CTNNA2: variants seen among roughly 807,000 people sequenced by gnomAD.
The protein encoded by CTNNA2 is catenin alpha-2.
A neutral mutation model predicts 101.0 loss-of-function variants in CTNNA2; 42 were observed. That is an observed-to-expected ratio of 0.42 (90% CI 0.32 to 0.54). The LOEUF (loss-of-function observed/expected upper bound fraction) is 0.54, where lower values mean the gene tolerates loss of function less well. Ranked by LOEUF, CTNNA2 falls within the 20% of genes least tolerant of loss-of-function variation. The probability of loss-of-function intolerance (pLI) is 0.14; values close to 1 mark genes in which losing one functional copy is unlikely to be tolerated. For missense variants in CTNNA2, 871 were observed against 1,223.1 expected (o/e 0.71, Z 4.29); for synonymous variants, 450 against 456.4 (o/e 0.99, Z 0.18).
At chr2:80,195,612 C>CTTT (rs538517274) in intron 7 of CTNNA2, among the ~76,000 whole-genome samples, 4 of 127,436 alleles carry the variant, frequency 3.1e-5, no homozygotes, top group South Asian at 2.7e-4. Context: ...ACCAAAACAT[C>CTTT]TTTTTTTTTT....
rs530296973 is a variant in CTNNA2, at chr2:80,618,278, A to G, written c.2431-807A>G. On this transcript the variant is annotated intron_variant, in intron 17 of 18. Coordinates refer to ENST00000402739, the MANE Select transcript of CTNNA2 (RefSeq NM_001282597.3). ...ATGTAACTTGACCTCTGAGAGTGACAGTGCATTTTTTTATGATTGCAGAAA... is the reference window on the plus strand; with the variant it reads ...ATGTAACTTGACCTCTGAGAGTGACGGTGCATTTTTTTATGATTGCAGAAA... 8.6e-5 allele frequency among the ~76,000 whole-genome samples: 13 copies of G among 151,980 alleles called. No individual in the cohort carries two copies. In the East Asian group the frequency reaches 2.5e-3, roughly 30 times the overall value.
intron 9 of CTNNA2, among the ~76,000 whole-genome samples, chr2:80,521,839 T>C (rs1689585179): frequency 6.6e-6 from 1 of 152,170 alleles, no homozygotes; most frequent in Non-Finnish European, 1.5e-5. Flanking sequence ...AAGTTGTAAT[T>C]TTTAACAGTA....
chr2:79,717,119 A>T (rs1686160883), intron 2 of CTNNA2, among the ~76,000 whole-genome samples: 1 of 152,196 alleles, frequency 6.6e-6, no homozygotes, highest in Admixed American at 6.5e-5. Flanking sequence ...TGAGCCCTGG[A>T]GAAGGAAAGA....
chr2:80,135,367 G>T (rs141012658), intron 7 of CTNNA2, among the ~76,000 whole-genome samples: 5 of 152,320 alleles, frequency 3.3e-5, no homozygotes, highest in African/African-American at 1.2e-4. Flanking sequence ...TAGAGACAAA[G>T]GAAGGAGGGC....
chr2:79,416,892 T>C (rs1039494022), intron 4 of CTNNA2, among the ~76,000 whole-genome samples: 3 of 152,082 alleles, frequency 2.0e-5, no homozygotes, highest in African/African-American at 7.2e-5. Flanking sequence ...GATCTTCCCC[T>C]CTTAACTCTA....
At chr2:79,712,491 A>G (rs966364555) in intron 2 of CTNNA2, among the ~76,000 whole-genome samples, 2 of 152,200 alleles carry the variant, frequency 1.3e-5, no homozygotes, top group African/African-American at 4.8e-5. Context: ...GTAACATCCT[A>G]CATCAATTAA....
chr2:79,580,730 A>G (rs937173039), intron 1 of CTNNA2, among the ~76,000 whole-genome samples: 1 of 152,214 alleles, frequency 6.6e-6, no homozygotes. Flanking sequence ...GATCCTTAGT[A>G]AAACTTTTTC....
intron 3 of CTNNA2, among the ~76,000 whole-genome samples, chr2:79,369,530 T>C (rs1430638721): frequency 1.3e-5 from 2 of 152,154 alleles, no homozygotes; most frequent in African/African-American, 2.4e-5. Flanking sequence ...GCTCTTCCAG[T>C]GTGGCTCCCC....
intron 7 of CTNNA2, among the ~76,000 whole-genome samples, chr2:80,136,018 C>T (rs1451508542): frequency 6.6e-6 from 1 of 152,102 alleles, no homozygotes; most frequent in Non-Finnish European, 1.5e-5. Context: ...TATTTCCTGC[C>T]TTAGTGTGAG....
intron 7 of CTNNA2, among the ~76,000 whole-genome samples, chr2:80,036,027 T>C (rs1394414471): frequency 6.6e-6 from 1 of 152,220 alleles, no homozygotes; most frequent in Non-Finnish European, 1.5e-5. Flanking sequence ...CATGACGGTC[T>C]CATCAGGGCT....
At chr2:79,233,984 C>CT (rs1674526798) in intron 2 of CTNNA2, among the ~76,000 whole-genome samples, 1 of 148,116 alleles carries the variant, frequency 6.8e-6, no homozygotes, top group Admixed American at 6.8e-5. Flanking sequence ...TGGATCTTGT[C>CT]TTTTTTATCT....
chr2:80,091,727 G>A (rs1256639636), intron 7 of CTNNA2, among the ~76,000 whole-genome samples: 1 of 151,976 alleles, frequency 6.6e-6, no homozygotes, highest in Non-Finnish European at 1.5e-5. Flanking sequence ...GGGATACCAG[G>A]AACATTAGAA....
intron 3 of CTNNA2, among the ~76,000 whole-genome samples, chr2:79,803,713 C>A (rs1315535629): frequency 6.6e-6 from 1 of 152,216 alleles, no homozygotes; most frequent in Non-Finnish European, 1.5e-5. Context: ...CAGTTTATGG[C>A]CAGATTTTGG....
chr2:79,887,382 A>T (rs1683962713), intron 6 of CTNNA2, among the ~76,000 whole-genome samples: 1 of 152,188 alleles, frequency 6.6e-6, no homozygotes, highest in African/African-American at 2.4e-5. Flanking sequence ...TAGCTAATTA[A>T]AAAACCAAAC....
chr2:79,499,077 C>T (rs1195395110), intron 4 of CTNNA2: 2 of 152,136 alleles, frequency 1.3e-5, no homozygotes, highest in East Asian at 1.9e-4. Flanking sequence ...ATAATCATTT[C>T]CTAAGGCAGA....
chr2:80,242,170 A>G (rs1428760781), intron 7 of CTNNA2, among the ~76,000 whole-genome samples: 1 of 152,192 alleles, frequency 6.6e-6, no homozygotes, highest in Admixed American at 6.5e-5. Context: ...TATGGTGGAA[A>G]TCTCTCAGAT....
intron 7 of CTNNA2, among the ~76,000 whole-genome samples, chr2:80,122,753 G>A (rs62141433): frequency 3.3e-5 from 5 of 152,046 alleles, no homozygotes; most frequent in Non-Finnish European, 5.9e-5. Context: ...GTGTGTGTGC[G>A]CATGTGCATA....
chr2:80,086,567 A>G (rs986522540), intron 7 of CTNNA2, among the ~76,000 whole-genome samples: 3 of 152,044 alleles, frequency 2.0e-5, no homozygotes, highest in African/African-American at 7.2e-5. Flanking sequence ...TGACTTAGGA[A>G]TCATGGAATT....
chr2:79,957,384 A>G (rs1689312755), intron 7 of CTNNA2, among the ~76,000 whole-genome samples: 1 of 152,080 alleles, frequency 6.6e-6, no homozygotes, highest in African/African-American at 2.4e-5. Flanking sequence ...GTGTCCATGG[A>G]AGGCACCAGC....
Sources: gnomAD v4.1 joint callset for allele counts (sites outside exome capture counted in the v4.1 genomes callset) on GRCh38, gnomAD v4.1.1 for gene constraint, MANE v1.5 for transcripts, NCBI Gene and HGNC (gene_info 2026-07-23, HGNC 2026-07-21) for gene names.